SMAD3: variants seen among roughly 807,000 people sequenced by gnomAD.
SMAD3 encodes the protein MAD homolog 3.
SMAD3 carries 12 observed loss-of-function variants against 51.8 expected under a neutral mutation model. The ratio of observed to expected loss-of-function variants is 0.23; its 90% CI spans 0.15 to 0.38. SMAD3 has a LOEUF of 0.38. SMAD3 is among the 10% of genes least tolerant of loss of function. The pLI is 1.00. For missense variants in SMAD3, 294 were observed against 565.6 expected (o/e 0.52, Z 4.87); for synonymous variants, 238 against 227.7 (o/e 1.05, Z -0.41).
intron 1 of SMAD3, among the ~76,000 whole-genome samples, chr15:67,151,863 A>G (rs1022327992): frequency 1.5e-4 from 23 of 152,314 alleles, no homozygotes; most frequent in Non-Finnish European, 3.1e-4. Flanking sequence ...ACTATGTAAT[A>G]TATGAATGTT....
chr15:67,166,417 G>T, intron 3 of SMAD3: 2 of 419,394 alleles, frequency 4.8e-6, no homozygotes, highest in Non-Finnish European at 9.0e-6. Context: ...CAGATCTTCA[G>T]AGGACAGAAA....
chr15:67,113,076 G>GTGTGTATATATATATATATA (rs763595789), intron 1 of SMAD3, among the ~76,000 whole-genome samples: 2 of 34,972 alleles, frequency 5.7e-5, no homozygotes, highest in Non-Finnish European at 1.2e-4. Context: ...ATATATATGT[G>GTGTGTATATATATATATATA]TATATATATA....
chr15:67,092,187 C>CCAG (rs1405277744), intron 1 of SMAD3, among the ~76,000 whole-genome samples: 1 of 152,210 alleles, frequency 6.6e-6, no homozygotes, highest in Non-Finnish European at 1.5e-5. Context: ...AGTCAGGGCT[C>CCAG]AGCCCCAGGG....
At chr15:67,103,570 C>T (rs1960808993) in intron 1 of SMAD3, among the ~76,000 whole-genome samples, 1 of 152,158 alleles carries the variant, frequency 6.6e-6, no homozygotes, top group Non-Finnish European at 1.5e-5. Flanking sequence ...GTCCAGGATC[C>T]CTGAGTCCCA....
chr15:67,093,840 C>T (rs1429470262), intron 1 of SMAD3, among the ~76,000 whole-genome samples: 1 of 152,194 alleles, frequency 6.6e-6, no homozygotes, highest in Non-Finnish European at 1.5e-5. Context: ...GCCTCTTGGG[C>T]CAATGAGAGG....
At chr15:67,151,786 C>T (rs920792544) in intron 1 of SMAD3, among the ~76,000 whole-genome samples, 2 of 152,176 alleles carry the variant, frequency 1.3e-5, no homozygotes, top group African/African-American at 4.8e-5. Flanking sequence ...TAATTAGCAT[C>T]TCCATCCTGT....
rs68095915 is a variant in SMAD3 at position 67,177,422 on chromosome 15, G to GT, written c.659-3806dup. Among the ~76,000 whole-genome samples the GT allele has an allele frequency of 8.5e-5, 8 of 93,894 alleles. 2 individuals are homozygous for GT. The highest frequency in any genetic ancestry group is 3.9e-4 in the South Asian group (1 of 2,536). The allele number at this position is 93,894 out of a possible 152,430, so 61.6% of individuals were successfully genotyped here. ...AATGAGGGCATATTTAGTGTTTTGG[G>GT]TTTTTTTTTTTTTGGTGTGTGGCAG... On this transcript the variant is annotated intron_variant, in intron 5 of 8. Coordinates refer to ENST00000327367, the MANE Select transcript of SMAD3 (RefSeq NM_005902.4).
chr15:67,125,715 G>A (rs987003050), intron 1 of SMAD3: 20 of 985,532 alleles, frequency 2.0e-5, no homozygotes, highest in Middle Eastern at 5.2e-4. Flanking sequence ...CAAACGGCCT[G>A]AAATATGAGC....
chr15:67,141,173 G>GC (rs1365716241), intron 1 of SMAD3, among the ~76,000 whole-genome samples: 1 of 152,174 alleles, frequency 6.6e-6, no homozygotes, highest in Non-Finnish European at 1.5e-5. Flanking sequence ...TGGGCTGACC[G>GC]CAAGTGAGGT....
chr15:67,071,684 C>T (rs540165620), intron 1 of SMAD3, among the ~76,000 whole-genome samples: 3 of 152,186 alleles, frequency 2.0e-5, no homozygotes, highest in Admixed American at 6.5e-5. Flanking sequence ...TGGTGGCAGG[C>T]GCCTGTAGTC....
chr15:67,182,994 A>T (rs867274753), intron 6 of SMAD3, among the ~76,000 whole-genome samples: 192 of 55,152 alleles, frequency 3.5e-3, no homozygotes, highest in African/African-American at 0.013. Context: ...ATTAAAAAAA[A>T]AAAAAAATAT....
intron 1 of SMAD3, among the ~76,000 whole-genome samples, chr15:67,161,515 G>GC (rs1296466228): frequency 6.6e-6 from 1 of 152,118 alleles, no homozygotes; most frequent in Admixed American, 6.5e-5. Flanking sequence ...TGTCCAGCTG[G>GC]CCCTTTTTTG....
intron 1 of SMAD3, among the ~76,000 whole-genome samples, chr15:67,125,126 C>G (rs1286630957): frequency 6.6e-6 from 1 of 152,210 alleles, no homozygotes; most frequent in Non-Finnish European, 1.5e-5. Flanking sequence ...GCTACAGGCC[C>G]TGGTGGCTGG....
chr15:67,170,496 C>G, intron 4 of SMAD3, 58 bp from the exon 5 acceptor site: 1 of 1,428,370 alleles, frequency 7.0e-7, no homozygotes, highest in Non-Finnish European at 9.9e-7. Context: ...TGTTTAGTAA[C>G]TTGGCTCTCC....
intron 1 of SMAD3, among the ~76,000 whole-genome samples, chr15:67,131,939 A>T (rs1659810391): frequency 6.6e-6 from 1 of 152,148 alleles, no homozygotes; most frequent in African/African-American, 2.4e-5. Context: ...AACCTTGTGA[A>T]AACATCTCTG....
At chr15:67,070,305 G>T (rs544830950) in intron 1 of SMAD3, among the ~76,000 whole-genome samples, 5 of 152,242 alleles carry the variant, frequency 3.3e-5, no homozygotes, top group Middle Eastern at 3.4e-3. Flanking sequence ...AAGAGGAGGT[G>T]CCTGCAGGAC....
intron 1 of SMAD3, among the ~76,000 whole-genome samples, chr15:67,124,463 C>T (rs1433716496): frequency 6.7e-6 from 1 of 150,282 alleles, no homozygotes; most frequent in Non-Finnish European, 1.5e-5. Context: ...AAAAAAAAAT[C>T]TATTATCTTT....
intron 4 of SMAD3, 87 bp from the exon 5 acceptor site, chr15:67,170,467 C>A: frequency 1.8e-6 from 2 of 1,087,610 alleles, no homozygotes; most frequent in Non-Finnish European, 2.8e-6. Context: ...TGTTGGGCTA[C>A]CCCTCCTTGA....
At position 67,181,320 on chromosome 15, in the gene SMAD3, G is replaced by A. The variant is rs771037017; in HGVS notation, c.738G>A (p.Glu246=). 8.7e-6 allele frequency: 14 copies of A among 1,614,086 alleles called. No homozygotes were observed. Among genetic ancestry groups the A allele is most frequent in the East Asian group, 2.2e-5 (1 of 44,882 alleles). The change falls in exon 6 of 9, where the codon GAG becomes GAA. Residue 246 remains glutamate, a synonymous_variant. Coordinates refer to ENST00000327367, the MANE Select transcript of SMAD3 (RefSeq NM_005902.4). ...ACGAGCTGAACCAGCGCGTCGGGGA[G>A]ACATTCCACGCCTCGCAGCCATCCA... ...SYYELNQRVG[E]TFHASQPSMT... is the part of the protein sequence containing the mutation.
Sources: gnomAD v4.1 joint callset for allele counts (sites outside exome capture counted in the v4.1 genomes callset) on GRCh38, gnomAD v4.1.1 for gene constraint, MANE v1.5 for transcripts, NCBI Gene and HGNC (gene_info 2026-07-23, HGNC 2026-07-21) for gene names.